The following ATG16L1 variants were observed in gnomAD, a reference collection of about 807,000 sequenced individuals.
ATG16L1 encodes the protein autophagy related 16 like 1, also known as autophagy-related protein 16-1.
A neutral mutation model predicts 88.5 loss-of-function variants in ATG16L1; 37 were observed. The ratio of observed to expected loss-of-function variants is 0.42; its 90% CI spans 0.32 to 0.55. The LOEUF is 0.55. Among genes scored for constraint, ATG16L1 ranks in the 20% least tolerant of loss-of-function variants. The pLI, the probability that ATG16L1 is intolerant of heterozygous loss-of-function variation, is 0.13. For missense variants in ATG16L1, 554 were observed against 752.8 expected (o/e 0.74, Z 3.09); for synonymous variants, 301 against 281.0 (o/e 1.07, Z -0.71).
rs866832287 is a variant in ATG16L1, at chr2:233,262,436, A to G, written c.210-694A>G. On this transcript the variant is annotated intron_variant, in intron 2 of 17. Coordinates refer to ENST00000392017, the MANE Select transcript of ATG16L1 (RefSeq NM_030803.7). ...AACCTCACAGCCCTCGGAGGTGCCC[A>G]CAAGGCTCTGCATCATTTCCCCACC... 3.3e-5 allele frequency among the ~76,000 whole-genome samples: 5 copies of G among 152,242 alleles called. No individual in the cohort carries two copies. In the South Asian group the frequency reaches 1.0e-3, roughly 32 times the overall value.
At position 233,289,868 on chromosome 2, in the gene ATG16L1, A is replaced by G. The variant is rs1167318894; in HGVS notation, c.1218A>G (p.Gly406=). 14 of 1,614,022 alleles carry G rather than the reference A, an allele frequency of 8.7e-6. No homozygotes were observed. In the Admixed American group the frequency reaches 1.8e-4, roughly 21 times the overall value. ...DDYRLRHTLT[G]HSGKVLSAKF... is the part of the protein sequence containing the mutation. ...CTCTCTCCTAGCACACACTCACGGG[A>G]CACAGTGGGAAAGTGCTGTCTGCTA... Residue 406 remains glycine, a synonymous_variant, in exon 13 of 18, where the codon GGA becomes GGG. Coordinates refer to ENST00000392017, the MANE Select transcript of ATG16L1 (RefSeq NM_030803.7).
At chr2:233,268,798 T>C (rs945963702) in intron 5 of ATG16L1, among the ~76,000 whole-genome samples, 1 of 152,224 alleles carries the variant, frequency 6.6e-6, no homozygotes, top group African/African-American at 2.4e-5. Context: ...TAATGCACTT[T>C]TTAAGCTATA....
chr2:233,253,336 T>TTTG (rs1696528882), intron 1 of ATG16L1, among the ~76,000 whole-genome samples: 1 of 130,548 alleles, frequency 7.7e-6, no homozygotes, highest in East Asian at 2.1e-4. Flanking sequence ...GACTGGGTTT[T>TTTG]TTTGTTTTTT....
At chr2:233,287,059 T>C (rs1164509201) in intron 12 of ATG16L1, among the ~76,000 whole-genome samples, 1 of 152,160 alleles carries the variant, frequency 6.6e-6, no homozygotes, top group African/African-American at 2.4e-5. Flanking sequence ...TGTGTGCTCA[T>C]AGATGTTCAC....
intron 4 of ATG16L1, among the ~76,000 whole-genome samples, chr2:233,264,546 A>G (rs1242853936): frequency 2.6e-5 from 4 of 152,188 alleles, no homozygotes; most frequent in Non-Finnish European, 5.9e-5. Flanking sequence ...ATATGTGGAA[A>G]GGGGTCTAGA....
At chr2:233,285,547 C>T (rs537045134) in intron 12 of ATG16L1, among the ~76,000 whole-genome samples, 1 of 152,346 alleles carries the variant, frequency 6.6e-6, no homozygotes, top group Non-Finnish European at 1.5e-5. Flanking sequence ...GGGCAGGAGC[C>T]TCCTGTGCTG....
chr2:233,273,430 G>T (rs1444326733), intron 7 of ATG16L1: 1 of 509,776 alleles, frequency 2.0e-6, no homozygotes, highest in Non-Finnish European at 3.5e-6. Flanking sequence ...GTCAGAAATT[G>T]TGAAGTTAGT....
chr2:233,280,213 A>T (rs1437180192), intron 10 of ATG16L1, among the ~76,000 whole-genome samples: 1 of 152,242 alleles, frequency 6.6e-6, no homozygotes, highest in Non-Finnish European at 1.5e-5. Context: ...ACTGAATAAG[A>T]TAAAAATGTG....
At chr2:233,276,782 G>A (rs558380743) in intron 9 of ATG16L1, among the ~76,000 whole-genome samples, 87 of 152,308 alleles carry the variant, frequency 5.7e-4, no homozygotes, top group African/African-American at 2.0e-3. Flanking sequence ...CAGCCAGGAT[G>A]CTTTTTTACT....
At chr2:233,275,620 G>A (rs756320252) in intron 9 of ATG16L1, 24 of 458,556 alleles carry the variant, frequency 5.2e-5, no homozygotes, top group Admixed American at 1.8e-4. Context: ...CTTGACTGTT[G>A]TAAAGAGAGT....
At chr2:233,275,746 A>G (rs1698308303) in intron 9 of ATG16L1, 1 of 519,208 alleles carries the variant, frequency 1.9e-6, no homozygotes, top group South Asian at 1.4e-5. Context: ...TGATTGGTAA[A>G]AGGTCTGATT....
chr2:233,265,364 C>T (rs1159995987), intron 5 of ATG16L1, among the ~76,000 whole-genome samples: 3 of 152,184 alleles, frequency 2.0e-5, no homozygotes, highest in African/African-American at 7.2e-5. Context: ...TTTTGTGAAG[C>T]TTTTTGTATC....
At chr2:233,261,119 C>A (rs554739781) in intron 2 of ATG16L1, among the ~76,000 whole-genome samples, 1 of 152,230 alleles carries the variant, frequency 6.6e-6, no homozygotes, top group Non-Finnish European at 1.5e-5. Context: ...CCACGCCCAG[C>A]TAATTTTTTG....
chr2:233,260,273 C>T (rs545356299), intron 2 of ATG16L1, among the ~76,000 whole-genome samples: 15 of 152,322 alleles, frequency 9.8e-5, no homozygotes, highest in African/African-American at 2.6e-4. Flanking sequence ...ATTCTAAGCA[C>T]GGTTCCTGGA....
intron 12 of ATG16L1, among the ~76,000 whole-genome samples, chr2:233,287,984 T>C (rs1056593860): frequency 6.6e-6 from 1 of 152,228 alleles, no homozygotes; most frequent in East Asian, 1.9e-4. Context: ...TCATTATTCA[T>C]GGACTGTATC....
At position 233,256,111 on chromosome 2, in the gene ATG16L1, T is replaced by C. The variant is rs1672486894; in HGVS notation, c.125T>C (p.Leu42Ser). 6.2e-7 allele frequency: 1 copy of C among 1,613,646 alleles called. No homozygotes were observed. Among genetic ancestry groups the C allele is most frequent in the Non-Finnish European group, 8.5e-7 (1 of 1,179,760 alleles). ...TTTTTTATTTTAATAGATAACAAAT[T>C]GCTGGAAAAGTCAGATCTTCATTCA... is the stretch of plus-strand genomic sequence containing the variant. ...FEEIILQYNK[L>S]LEKSDLHSVL... is the part of the protein sequence containing the mutation. Residue 42 changes from leucine (L) to serine (S), a missense_variant, in exon 2 of 18, where the codon TTG (leucine) becomes TCG (serine). Physicochemically the swap from Leu to Ser is moderately radical, Grantham distance 145 (BLOSUM62 -2). Transcript: ENST00000392017.
chr2:233,292,111 T>G lies in ATG16L1; in HGVS notation c.1431-17T>G. ...TCTGGCCTACGTTACATTTCTCAGA[T>G]CTGTTCTCCCTCTTAGATCAGAGAG... On this transcript the variant is annotated splice_polypyrimidine_tract_variant and intron_variant, in intron 14 of 17. Coordinates refer to ENST00000392017, the MANE Select transcript of ATG16L1 (RefSeq NM_030803.7). The G allele has an allele frequency of 6.2e-7, 1 of 1,613,426 alleles. No homozygotes were observed. Among genetic ancestry groups the G allele is most frequent in the Non-Finnish European group, 8.5e-7 (1 of 1,179,624 alleles).
At chr2:233,293,389 C>A in intron 17 of ATG16L1, 32 bp downstream of exon 17, 2 of 1,587,242 alleles carry the variant, frequency 1.3e-6, no homozygotes, top group Non-Finnish European at 1.7e-6. Flanking sequence ...CCCCCCGTTG[C>A]GTTGTGAGCA....
At chr2:233,287,095 TAAAG>T (rs983644032) in intron 12 of ATG16L1, among the ~76,000 whole-genome samples, 3 of 152,204 alleles carry the variant, frequency 2.0e-5, no homozygotes, top group East Asian at 1.9e-4. Context: ...GACAGACTCT[TAAAG>T]AAAGGGAGGT....
Sources: allele counts gnomAD v4.1 joint callset (sites outside exome capture counted in the v4.1 genomes callset), GRCh38; gene constraint gnomAD v4.1.1; transcripts MANE v1.5; gene names NCBI Gene and HGNC (gene_info 2026-07-23, HGNC 2026-07-21).